Variants in LOXHD1 observed in about 807,000 individuals in gnomAD.
LOXHD1 encodes lipoxygenase homology PLAT domains 1.
LOXHD1 carries 205 observed loss-of-function variants against 248.2 expected under a neutral mutation model. That is an observed-to-expected ratio of 0.83 (90% CI 0.74 to 0.93). The LOEUF (loss-of-function observed/expected upper bound fraction) is 0.93. Ranked by LOEUF, LOXHD1 falls within the 40% of genes least tolerant of loss-of-function variation. LOXHD1 has a pLI of 0.00. For synonymous variants in LOXHD1, 1,113 were observed against 1,162.8 expected (o/e 0.96, Z 0.87); for missense variants, 2,930 against 2,971.6 (o/e 0.99, Z 0.33).
chr18:46,516,581 C>T (rs2035260161), intron 34 of LOXHD1, among the ~76,000 whole-genome samples: 1 of 152,120 alleles, frequency 6.6e-6, no homozygotes, highest in African/African-American at 2.4e-5. Context: ...ATCACCAACA[C>T]CACCTTCATC....
chr18:46,619,134 G>T (rs1414555219), intron 4 of LOXHD1, among the ~76,000 whole-genome samples: 1 of 152,078 alleles, frequency 6.6e-6, no homozygotes, highest in Non-Finnish European at 1.5e-5. Context: ...CTTTTCACTG[G>T]GTGCCAACAA....
At chr18:46,562,661 A>G (rs1028031130) in intron 18 of LOXHD1, among the ~76,000 whole-genome samples, 4 of 152,128 alleles carry the variant, frequency 2.6e-5, no homozygotes, top group Non-Finnish European at 4.4e-5. Flanking sequence ...CTGCAGCCTT[A>G]GTGTCATCTT....
intron 2 of LOXHD1, 147 bp downstream of exon 2, chr18:46,649,008 G>GGGA (rs938950961): frequency 1.5e-6 from 1 of 671,406 alleles, no homozygotes; most frequent in Admixed American, 2.3e-5. Flanking sequence ...CTGGTACACG[G>GGGA]TCTGTCATTA....
chr18:46,654,370 A>T (rs2039152376), intron 1 of LOXHD1, among the ~76,000 whole-genome samples: 1 of 152,032 alleles, frequency 6.6e-6, no homozygotes, highest in Non-Finnish European at 1.5e-5. Context: ...ATGCTGGGGG[A>T]CTCCTGTCTA....
intron 40 of LOXHD1, among the ~76,000 whole-genome samples, chr18:46,481,449 A>G (rs150364557): frequency 6.6e-6 from 1 of 152,246 alleles, no homozygotes; most frequent in East Asian, 1.9e-4. Context: ...CTAGGGCATG[A>G]CTTCAGAGAG....
chr18:46,593,780 G>A lies in LOXHD1; in HGVS notation c.1271-20C>T. The stretch of plus-strand genomic sequence containing the variant: ...GGAATTCTGTAAGACAGATCAAGTT[G>A]CACCATAAACTTCAGGAAGTGAAGA... On this transcript the variant is annotated intron_variant, in intron 9 of 40. Transcript: ENST00000642948. 1 of 1,551,014 alleles carries A rather than the reference G, an allele frequency of 6.4e-7. No individual in the cohort carries two copies. Among genetic ancestry groups the A allele is most frequent in the South Asian group, 1.2e-5 (1 of 83,952 alleles).
At chr18:46,523,444 G>A (rs1318299945) in intron 31 of LOXHD1, among the ~76,000 whole-genome samples, 3 of 152,132 alleles carry the variant, frequency 2.0e-5, no homozygotes, top group African/African-American at 7.2e-5. Flanking sequence ...TGATTGCACT[G>A]GAACTGCTAT....
chr18:46,479,050 G>A (rs1416025154), intron 40 of LOXHD1, among the ~76,000 whole-genome samples: 3 of 152,000 alleles, frequency 2.0e-5, no homozygotes, highest in African/African-American at 7.3e-5. Context: ...ACTCCCATCT[G>A]CAGATACTCT....
intron 14 of LOXHD1, among the ~76,000 whole-genome samples, chr18:46,575,932 C>A (rs113035477): frequency 1.3e-5 from 2 of 152,186 alleles, no homozygotes; most frequent in Non-Finnish European, 2.9e-5. Context: ...CCTCCATCTA[C>A]CTGCCTGTCT....
rs147685976 is a variant in LOXHD1, at chr18:46,525,194, C to T, written c.4531-277G>A. ...TTTTGGGAGAAGCCTGTGGGTGTTT[C>T]GAAGCCTCCTCTGTGTAAGGGGGCT... On this transcript the variant is annotated intron_variant, in intron 29 of 40. Coordinates refer to ENST00000642948, the MANE Select transcript of LOXHD1 (RefSeq NM_001384474.1). Among the ~76,000 whole-genome samples, 234 of 152,292 alleles carry T rather than the reference C, an allele frequency of 1.5e-3. 2 individuals are homozygous for T. Among genetic ancestry groups the T allele is most frequent in the African/African-American group, 5.4e-3 (225 of 41,552 alleles).
At chr18:46,643,226 A>T (rs2038985575) in intron 2 of LOXHD1, among the ~76,000 whole-genome samples, 1 of 152,180 alleles carries the variant, frequency 6.6e-6, no homozygotes, top group Non-Finnish European at 1.5e-5. Context: ...CCCCCACAGG[A>T]TGCAGCCTGG....
At chr18:46,530,705 GC>G (rs1422949819) in intron 28 of LOXHD1, among the ~76,000 whole-genome samples, 3 of 152,146 alleles carry the variant, frequency 2.0e-5, no homozygotes, top group Admixed American at 6.5e-5. Context: ...TGTCCCCATG[GC>G]TGTAGAACAC....
At chr18:46,544,392 A>C (rs1197197057) in intron 23 of LOXHD1, among the ~76,000 whole-genome samples, 4 of 152,238 alleles carry the variant, frequency 2.6e-5, no homozygotes, top group Non-Finnish European at 5.9e-5. Flanking sequence ...CTCAGATAAT[A>C]AAAGCAGTTG....
chr18:46,625,292 G>A (rs924999796), intron 4 of LOXHD1, among the ~76,000 whole-genome samples: 5 of 152,174 alleles, frequency 3.3e-5, no homozygotes, highest in African/African-American at 1.2e-4. Flanking sequence ...CACAGTCCGT[G>A]CATTTGACCT....
intron 21 of LOXHD1, among the ~76,000 whole-genome samples, chr18:46,552,925 A>G (rs576723482): frequency 1.4e-4 from 22 of 152,010 alleles, no homozygotes; most frequent in African/African-American, 5.3e-4. Flanking sequence ...CACCTGCATC[A>G]CATTTTTTCA....
At chr18:46,573,130 A>G (rs1179453458) in intron 14 of LOXHD1, among the ~76,000 whole-genome samples, 1 of 151,792 alleles carries the variant, frequency 6.6e-6, no homozygotes, top group African/African-American at 2.4e-5. Flanking sequence ...GTTGAGGGAA[A>G]TGAGAAGGGC....
rs1266314573 is a variant in LOXHD1, at chr18:46,542,715, G to A, written c.3748+12C>T. On this transcript the variant is annotated intron_variant, in intron 24 of 40. Coordinates refer to ENST00000642948, the MANE Select transcript of LOXHD1 (RefSeq NM_001384474.1). ...AAGTCTTAGCAAGGAACAGAGGGGAGGGAAGCCACACCTGTGTTGTCATGG... is the reference window on the plus strand; with the variant it reads ...AAGTCTTAGCAAGGAACAGAGGGGAAGGAAGCCACACCTGTGTTGTCATGG... 1.3e-6 allele frequency: 2 copies of A among 1,551,492 alleles called. No individual in the cohort carries two copies. Among genetic ancestry groups the A allele is most frequent in the Non-Finnish European group, 8.7e-7 (1 of 1,146,962 alleles).
intron 28 of LOXHD1, among the ~76,000 whole-genome samples, chr18:46,531,750 G>A (rs1175781875): frequency 6.6e-6 from 1 of 152,200 alleles, no homozygotes; most frequent in Non-Finnish European, 1.5e-5. Flanking sequence ...ACATCACTGA[G>A]CTCAGAGTGA....
chr18:46,499,391 T>G (rs937281068), intron 37 of LOXHD1, among the ~76,000 whole-genome samples: 2 of 152,166 alleles, frequency 1.3e-5, no homozygotes, highest in East Asian at 3.8e-4. Context: ...GGGCAAAAGA[T>G]GTAAGTTACT....
Sources: allele counts gnomAD v4.1 joint callset (sites outside exome capture counted in the v4.1 genomes callset), GRCh38; gene constraint gnomAD v4.1.1; transcripts MANE v1.5; gene names NCBI Gene and HGNC (gene_info 2026-07-23, HGNC 2026-07-21).